The following TRIM35 variants were observed in gnomAD, a reference collection of about 807,000 sequenced individuals.
TRIM35 encodes tripartite motif containing 35, also known as E3 ubiquitin-protein ligase TRIM35.
In TRIM35, 37 loss-of-function variants were observed where a neutral mutation model predicts 49.1. The observed-to-expected ratio is 0.75, with a 90% CI of 0.58 to 0.99. The LOEUF (loss-of-function observed/expected upper bound fraction) is 0.99. TRIM35 is among the 50% of genes least tolerant of loss of function. The probability of loss-of-function intolerance (pLI) is 0.00; values close to 1 mark genes in which losing one functional copy is unlikely to be tolerated. For missense variants in TRIM35, 648 were observed against 702.7 expected (o/e 0.92, Z 0.88); for synonymous variants, 302 against 289.3 (o/e 1.04, Z -0.45).
At chr8:27,299,171 T>C (rs75766797) in intron 1 of TRIM35, among the ~76,000 whole-genome samples, 2,832 of 152,244 alleles carry the variant, frequency 0.019, 98 homozygotes, top group African/African-American at 0.064. Context: ...ACAAATACTT[T>C]TGGTTTAGTA....
At position 27,288,118 on chromosome 8, in the gene TRIM35, C is replaced by G. The variant is rs767921863; in HGVS notation, c.914G>C (p.Ser305Thr). ...MLASVESVPF[S>T]FDPNTAAGWL... ...GCCAGCTGCGGTGTTGGGGTCAAAG[C>G]TGAAGGGTACTGCAAGCAGAGGCGG... Residue 305 changes from serine to threonine, a missense_variant, in exon 6 of 6, where the codon AGC becomes ACC. Transcript: ENST00000305364. 1.2e-6 allele frequency: 2 copies of G among 1,603,078 alleles called. No homozygotes were observed. The highest frequency in any genetic ancestry group is 1.3e-5 in the African/African-American group (1 of 74,860).
intron 1 of TRIM35, among the ~76,000 whole-genome samples, chr8:27,301,916 C>T (rs1015830702): frequency 4.6e-5 from 7 of 152,146 alleles, no homozygotes; most frequent in African/African-American, 1.7e-4. Flanking sequence ...TGTCTCAGCA[C>T]CATTATTTAA....
chr8:27,287,925 C>T lies in TRIM35; in HGVS notation c.1107G>A (p.Arg369=). The change falls in exon 6 of 6, where the codon AGG becomes AGA. Residue 369 remains arginine (R), a synonymous_variant. Transcript: ENST00000305364. The surrounding 1 kb of genome is among the most constrained non-coding windows in gnomAD (Gnocchi z 6.0). The stretch of plus-strand genomic sequence containing the variant: ...CCTGGCGCACACGTACCACGCCCAC[C>T]CTCCAGCTCTGCAGCCCCCCAAGGG... ...EVALGGLQSW[R]VGVVRVRQDS... The T allele has an allele frequency of 6.2e-7, 1 of 1,613,078 alleles. No individual in the cohort carries two copies. Among genetic ancestry groups the T allele is most frequent in the Non-Finnish European group, 8.5e-7 (1 of 1,179,838 alleles).
At position 27,285,504 on chromosome 8, in the gene TRIM35, T is replaced by A. The variant is rs182616617; in HGVS notation, c.*2046A>T. ...GATAAATAAAATGTAGTACTACCAT[T>A]CCATACAATGGAATATTACCCGATG... On this transcript the variant is annotated 3_prime_UTR_variant, in exon 6 of 6. Transcript: ENST00000305364. The A allele has an allele frequency of 2.6e-5, 4 of 152,336 alleles. No individual in the cohort carries two copies. In the East Asian group the frequency reaches 7.7e-4, roughly 29 times the overall value. The allele number at this position is 152,336 out of a possible 1,614,324, so 9.4% of individuals were successfully genotyped here. A position where few individuals can be genotyped will look rare whatever the true frequency, so the allele number is the denominator to read the frequency against.
At chr8:27,305,415 C>G (rs183697650) in intron 1 of TRIM35, among the ~76,000 whole-genome samples, 3 of 152,346 alleles carry the variant, frequency 2.0e-5, no homozygotes, top group Admixed American at 1.3e-4. Context: ...AGACACCCCC[C>G]ACTCCCAATA....
chr8:27,287,322 G>A lies in TRIM35; in HGVS notation c.*228C>T, dbSNP rs1563435245. 2 of 523,298 alleles carry A rather than the reference G, an allele frequency of 3.8e-6. No individual in the cohort carries two copies. Among genetic ancestry groups the A allele is most frequent in the Non-Finnish European group, 3.4e-6 (1 of 297,796 alleles). 32.4% of individuals were successfully genotyped at this position (523,298 alleles called of 1,614,324 possible). A position where few individuals can be genotyped will look rare whatever the true frequency, so the allele number is the denominator to read the frequency against. The stretch of plus-strand genomic sequence containing the variant: ...ATTGTGGAGGTGCCACGACTCGGGA[G>A]AGCCTGGCCAGCGAGGTGCCACCCG... On this transcript the variant is annotated 3_prime_UTR_variant, in exon 6 of 6. Coordinates refer to ENST00000305364, the MANE Select transcript of TRIM35 (RefSeq NM_171982.5). This position sits in a 1 kb window ranked among gnomAD's most constrained non-coding sequence, Gnocchi z 6.0.
chr8:27,311,135 A>G lies in TRIM35; in HGVS notation c.101T>C (p.Leu34Pro), dbSNP rs1474746099. ...CYDPFRDAVT[L>P]RCGHNFCRGC... is the part of the protein sequence containing the mutation. ...GCGGCAGAAGTTGTGGCCGCAGCGC[A>G]GAGTGACTGCGTCGCGGAAGGGGTC... The change falls in exon 1 of 6, where the codon CTG (leucine) becomes CCG (proline). Residue 34 changes from leucine (L) to proline (P), a missense_variant. By Grantham distance (98) the Leu-to-Pro change is moderately conservative (BLOSUM62 -3). Coordinates refer to ENST00000305364, the MANE Select transcript of TRIM35 (RefSeq NM_171982.5). 5 of 1,603,616 alleles carry G rather than the reference A, an allele frequency of 3.1e-6. No homozygotes were observed. In the East Asian group the frequency reaches 9.0e-5, roughly 29 times the overall value.
intron 1 of TRIM35, among the ~76,000 whole-genome samples, chr8:27,303,632 A>G (rs183037480): frequency 7.2e-5 from 11 of 152,356 alleles, no homozygotes; most frequent in Admixed American, 7.2e-4. Context: ...AGCTCAGGAG[A>G]GCAAACAAGC....
In TRIM35 at chr8:27,299,316, G is replaced by A. The variant is rs547119728; in HGVS notation, c.436-757C>T. On this transcript the variant is annotated intron_variant, in intron 1 of 5. Transcript: ENST00000305364. ...TTTTTTCTCCCTCATTATCCTTTTC[G>A]ATCTACATTCTCAGAAAGCTTCTCA... 5.3e-5 allele frequency among the ~76,000 whole-genome samples: 8 copies of A among 151,946 alleles called. No individual in the cohort carries two copies. In the East Asian group the frequency reaches 9.7e-4, roughly 18 times the overall value.
At position 27,287,499 on chromosome 8, in the gene TRIM35, G is replaced by T; in HGVS notation, c.*51C>A. On this transcript the variant is annotated 3_prime_UTR_variant, in exon 6 of 6. Transcript: ENST00000305364. This position sits in a 1 kb window ranked among gnomAD's most constrained non-coding sequence, Gnocchi z 6.0. ...AAGCAGTGTGGGCATTAGGAAGAGGGCAGAAAGAAAACAGTGCTGTGGCAC... is the reference window on the plus strand; with the variant it reads ...AAGCAGTGTGGGCATTAGGAAGAGGTCAGAAAGAAAACAGTGCTGTGGCAC... 6.7e-7 allele frequency: 1 copy of T among 1,483,826 alleles called. No homozygotes were observed. Among genetic ancestry groups the T allele is most frequent in the Non-Finnish European group, 9.0e-7 (1 of 1,112,088 alleles). The allele number at this position is 1,483,826 out of a possible 1,614,324, so 91.9% of individuals were successfully genotyped here.
At chr8:27,296,154 C>CTTTT (rs563260897) in intron 2 of TRIM35, among the ~76,000 whole-genome samples, 1 of 129,422 alleles carries the variant, frequency 7.7e-6, no homozygotes, top group Non-Finnish European at 1.7e-5. Context: ...GGGTGATTCT[C>CTTTT]TTTTTTTTTT....
chr8:27,289,091 C>A, intron 5 of TRIM35, 71 bp downstream of exon 5: 1 of 1,299,992 alleles, frequency 7.7e-7, no homozygotes. Flanking sequence ...CAGAGACCAG[C>A]CCTGGTGCCT....
chr8:27,298,497 C>T lies in TRIM35; in HGVS notation c.498G>A (p.Arg166=), dbSNP rs766812414. 6.2e-7 allele frequency: 1 copy of T among 1,614,142 alleles called. No homozygotes were observed. The highest frequency in any genetic ancestry group is 8.5e-7 in the Non-Finnish European group (1 of 1,180,046). ...GCTTGGCGATGGCCTCATAGGAGCG[C>T]CGCATGGCCCAGAAGGCCTTGGCCT... ...REKAKAFWAM[R]RSYEAIAKHN... is the part of the protein sequence containing the mutation. The change falls in exon 2 of 6, where the codon CGG becomes CGA. Residue 166 remains arginine, a synonymous_variant. Transcript: ENST00000305364.
rs112213072 is a variant in TRIM35 at position 27,286,324 on chromosome 8, G to C, written c.*1226C>G. 1 of 376,958 alleles carries C rather than the reference G, an allele frequency of 2.7e-6. No homozygotes were observed. The highest frequency in any genetic ancestry group is 5.3e-6 in the Non-Finnish European group (1 of 189,542). 23.4% of individuals were successfully genotyped at this position (376,958 alleles called of 1,614,324 possible). ...AAGCATGACCAGGCTGAAGTCAGCAGAGACAAGAGGGCAGCGAGGCCCAGC... is the reference window on the plus strand; with the variant it reads ...AAGCATGACCAGGCTGAAGTCAGCACAGACAAGAGGGCAGCGAGGCCCAGC... On this transcript the variant is annotated 3_prime_UTR_variant, in exon 6 of 6. Transcript: ENST00000305364.
Position 27,287,882 on chromosome 8 carries a change from G to A in TRIM35, c.1150C>T (p.His384Tyr). 1.9e-6 allele frequency: 3 copies of A among 1,613,168 alleles called. No individual in the cohort carries two copies. The highest frequency in any genetic ancestry group is 2.5e-6 in the Non-Finnish European group (3 of 1,179,854). Residue 384 changes from histidine to tyrosine, a missense_variant, in exon 6 of 6, where the codon CAC (histidine) becomes TAC (tyrosine). Coordinates refer to ENST00000305364, the MANE Select transcript of TRIM35 (RefSeq NM_171982.5). The surrounding 1 kb of genome is among the most constrained non-coding windows in gnomAD (Gnocchi z 6.0). ...RVRQDSGAEG[H>Y]SHSCYHDTRS... ...GTGTCGTGGTAGCAGCTGTGTGAGT[G>A]GCCCTCAGCGCCCGAGTCCTGGCGC...
At chr8:27,297,221 G>A (rs1240557108) in intron 2 of TRIM35, among the ~76,000 whole-genome samples, 2 of 152,228 alleles carry the variant, frequency 1.3e-5, no homozygotes, top group Non-Finnish European at 2.9e-5. Flanking sequence ...GACACATGGT[G>A]GAGGGGACCG....
At chr8:27,290,242 T>C (rs917915678) in intron 3 of TRIM35, 64 bp from the exon 4 acceptor site, 1 of 1,550,802 alleles carries the variant, frequency 6.4e-7, no homozygotes, top group Non-Finnish European at 8.9e-7. Context: ...TATATGTTTC[T>C]GACCTCAAAA....
chr8:27,310,684 G>A, intron 1 of TRIM35, 117 bp downstream of exon 1: 1 of 1,220,742 alleles, frequency 8.2e-7, no homozygotes, highest in Non-Finnish European at 1.1e-6. Flanking sequence ...CCTGCATGCT[G>A]GGAGCGAGAC....
intron 1 of TRIM35, 39 bp downstream of exon 1, chr8:27,310,762 G>A (rs1802917169): frequency 6.5e-7 from 1 of 1,537,506 alleles, no homozygotes. Flanking sequence ...CCGGGTTCCA[G>A]ACCCGGCTCG....
Sources: gnomAD v4.1 joint callset for allele counts (sites outside exome capture counted in the v4.1 genomes callset) on GRCh38, gnomAD v4.1.1 for gene constraint, Gnocchi (gnomAD v3.1) non-coding constraint, MANE v1.5 for transcripts, NCBI Gene and HGNC (gene_info 2026-07-23, HGNC 2026-07-21) for gene names.